MINDY2: variants seen among roughly 807,000 people sequenced by gnomAD.
MINDY2 encodes the protein ubiquitin carboxyl-terminal hydrolase MINDY-2.
A neutral mutation model predicts 68.2 loss-of-function variants in MINDY2; 52 were observed. The observed-to-expected ratio is 0.76, with a 90% CI of 0.61 to 0.96. MINDY2 has a LOEUF of 0.96. MINDY2 is among the 40% of genes least tolerant of loss of function. The pLI is 0.00. For missense variants in MINDY2, 881 were observed against 773.4 expected, an observed-to-expected ratio of 1.14 and a Z score of -1.65; for synonymous variants, 372 against 303.0, an observed-to-expected ratio of 1.23 and a Z score of -2.36.
At chr15:58,852,262 A>T (rs640045) in intron 8 of MINDY2, among the ~76,000 whole-genome samples, 1 of 136,960 alleles carries the variant, frequency 7.3e-6, no homozygotes, top group Admixed American at 7.9e-5. Context: ...CACTCCAGTC[A>T]GGATGATAGA....
intron 6 of MINDY2, among the ~76,000 whole-genome samples, chr15:58,839,007 C>G (rs534224417): frequency 2.0e-5 from 3 of 152,052 alleles, no homozygotes; most frequent in African/African-American, 7.2e-5. Context: ...AAAATGATTA[C>G]CTAGGAAGGG....
At chr15:58,820,936 ATAAT>A (rs1317199169) in intron 4 of MINDY2, among the ~76,000 whole-genome samples, 1 of 151,018 alleles carries the variant, frequency 6.6e-6, no homozygotes, top group African/African-American at 2.4e-5. Flanking sequence ...ATACACATAA[ATAAT>A]TTATAAATAA....
At chr15:58,822,108 G>T (rs1206496449) in intron 5 of MINDY2, among the ~76,000 whole-genome samples, 2 of 152,030 alleles carry the variant, frequency 1.3e-5, no homozygotes, top group African/African-American at 4.8e-5. Flanking sequence ...CAAAAAATTA[G>T]TTGGCCATGG....
At position 58,810,297 on chromosome 15, in the gene MINDY2, C is replaced by T. The variant is rs2030142619; in HGVS notation, c.1031C>T (p.Thr344Ile). 1 of 1,613,928 alleles carries T rather than the reference C, an allele frequency of 6.2e-7. No homozygotes were observed. Among genetic ancestry groups the T allele is most frequent in the Non-Finnish European group, 8.5e-7 (1 of 1,179,932 alleles). The part of the protein sequence containing the change: ...QTGLDVNVRF[T>I]GVRVFEYTPE... ...GGCCTGGATGTAAATGTAAGATTCACTGGTGTTCGAGTGTTTGAATATACA... is the reference window on the plus strand; with the variant it reads ...GGCCTGGATGTAAATGTAAGATTCATTGGTGTTCGAGTGTTTGAATATACA... Residue 344 changes from threonine to isoleucine, a missense_variant, in exon 4 of 9, where the codon ACT becomes ATT. Thr to Ile is a moderately conservative substitution (Grantham distance 89). Transcript: ENST00000559228.
At chr15:58,782,911 G>GGTTTTT (rs1901241798) in intron 1 of MINDY2, among the ~76,000 whole-genome samples, 4 of 64,494 alleles carry the variant, frequency 6.2e-5, no homozygotes, top group South Asian at 8.7e-4. Context: ...TTTTCTCTCT[G>GGTTTTT]TTTTTTTTTT....
chr15:58,809,248 C>T (rs1034573301), intron 3 of MINDY2, among the ~76,000 whole-genome samples: 2 of 151,998 alleles, frequency 1.3e-5, no homozygotes, highest in East Asian at 3.9e-4. Flanking sequence ...CCCCCAGTCC[C>T]CTGGAAACAA....
At chr15:58,800,798 G>C (rs1902591485) in intron 2 of MINDY2, among the ~76,000 whole-genome samples, 1 of 139,604 alleles carries the variant, frequency 7.2e-6, no homozygotes, top group African/African-American at 2.7e-5. Flanking sequence ...TCACGCCACT[G>C]CACTCCAGCC....
intron 4 of MINDY2, among the ~76,000 whole-genome samples, chr15:58,818,422 G>T (rs1425964901): frequency 1.3e-5 from 2 of 151,834 alleles, no homozygotes; most frequent in African/African-American, 2.4e-5. Flanking sequence ...TGCCTGGCTA[G>T]ATTTTTTATT....
chr15:58,802,917 C>T (rs528761473), intron 3 of MINDY2, among the ~76,000 whole-genome samples: 7 of 152,204 alleles, frequency 4.6e-5, no homozygotes, highest in Non-Finnish European at 8.8e-5. Flanking sequence ...AAAAAGCAAG[C>T]GGAGCTTCAT....
chr15:58,772,260 C>T, intron 1 of MINDY2, 25 bp downstream of exon 1: 2 of 1,604,794 alleles, frequency 1.2e-6, no homozygotes, highest in Non-Finnish European at 1.7e-6. Flanking sequence ...TTTCTACTTC[C>T]TACAGCTTTT....
intron 6 of MINDY2, among the ~76,000 whole-genome samples, chr15:58,838,582 A>ATTTTTTTTTT (rs780140528): frequency 2.3e-4 from 21 of 93,070 alleles, no homozygotes; most frequent in South Asian, 4.4e-4. Flanking sequence ...CTTTTTAGGG[A>ATTTTTTTTTT]TTTTTTTTTT....
intron 8 of MINDY2, among the ~76,000 whole-genome samples, chr15:58,853,579 G>A (rs1227115511): frequency 1.3e-5 from 2 of 151,992 alleles, no homozygotes; most frequent in Non-Finnish European, 2.9e-5. Flanking sequence ...CCAGCACTTT[G>A]GGAGGCCAAG....
intron 3 of MINDY2, 143 bp downstream of exon 3, chr15:58,802,520 A>G: frequency 2.2e-6 from 1 of 450,882 alleles, no homozygotes; most frequent in South Asian, 5.7e-5. Context: ...GTCAGTCTCT[A>G]TTACATATTC....
Position 58,861,845 on chromosome 15 carries a change from G to A in MINDY2, c.*7235G>A, listed in dbSNP as rs1162303250. 1 of 152,120 alleles carries A rather than the reference G, an allele frequency of 6.6e-6. No homozygotes were observed. The highest frequency in any genetic ancestry group is 2.4e-5 in the African/African-American group (1 of 41,422). The allele number at this position is 152,120 out of a possible 1,614,324, so 9.4% of individuals were successfully genotyped here. A position where few individuals can be genotyped will look rare whatever the true frequency, so the allele number is the denominator to read the frequency against. On this transcript the variant is annotated 3_prime_UTR_variant, in exon 9 of 9. Transcript: ENST00000559228. ...CTGTAACCAGTGAATAACACCTGTAGTATTTTTTATTATAGATTATATTTT... is the reference window on the plus strand; with the variant it reads ...CTGTAACCAGTGAATAACACCTGTAATATTTTTTATTATAGATTATATTTT...
At chr15:58,790,152 G>A (rs1901788913) in intron 2 of MINDY2, among the ~76,000 whole-genome samples, 1 of 151,972 alleles carries the variant, frequency 6.6e-6, no homozygotes, top group Non-Finnish European at 1.5e-5. Flanking sequence ...CATAGTTAAG[G>A]GTAGATTACT....
intron 6 of MINDY2, among the ~76,000 whole-genome samples, chr15:58,844,843 A>G (rs1185716669): frequency 2.1e-5 from 3 of 144,406 alleles, no homozygotes; most frequent in African/African-American, 7.6e-5. Context: ...TGAACCCAAG[A>G]GGCTGAGGCT....
chr15:58,832,228 CTT>C (rs568639158), intron 6 of MINDY2, among the ~76,000 whole-genome samples: 13 of 139,944 alleles, frequency 9.3e-5, no homozygotes, highest in East Asian at 2.1e-4. Flanking sequence ...AGGATGACTT[CTT>C]TTTTTTTTTT....
chr15:58,771,542 C>A lies in MINDY2; in HGVS notation c.147C>A (p.Ser49Arg), dbSNP rs1182018160. The change falls in exon 1 of 9, where the codon AGC becomes AGA. Residue 49 changes from serine (S) to arginine (R), a missense_variant. By Grantham distance (110) the Ser-to-Arg change is moderately radical. Transcript: ENST00000559228. ...DGPGVWAAET[S>R]GGNGLGAAAA... The stretch of plus-strand genomic sequence containing the variant: ...CTGGGGTATGGGCGGCGGAGACCAG[C>A]GGCGGGAATGGGCTGGGGGCGGCGG... The A allele has an allele frequency of 6.8e-6, 11 of 1,611,320 alleles. No individual in the cohort carries two copies. The highest frequency in any genetic ancestry group is 9.3e-6 in the Non-Finnish European group (11 of 1,179,534).
chr15:58,831,911 T>G lies in MINDY2; in HGVS notation c.1363T>G (p.Tyr455Asp), dbSNP rs775613801. 1.9e-6 allele frequency: 3 copies of G among 1,611,536 alleles called. No homozygotes were observed. The highest frequency in any genetic ancestry group is 2.5e-6 in the Non-Finnish European group (3 of 1,179,192). ...RNNHFSTMTK[Y>D]KGQLYLLVTD... ...TAATCATTTTAGCACCATGACCAAA[T>G]ACAAGGTATGATATAGAAATAGCTA... The change falls in exon 6 of 9, where the codon TAC becomes GAC. Residue 455 changes from tyrosine (Y) to aspartate (D), a missense_variant. Physicochemically the swap from Tyr to Asp is radical, Grantham distance 160. Coordinates refer to ENST00000559228, the MANE Select transcript of MINDY2 (RefSeq NM_001040450.3).
Sources: allele counts gnomAD v4.1 joint callset (sites outside exome capture counted in the v4.1 genomes callset), GRCh38; gene constraint gnomAD v4.1.1; transcripts MANE v1.5; gene names NCBI Gene and HGNC (gene_info 2026-07-23, HGNC 2026-07-21).